The following MAGI2 variants were observed in gnomAD, a reference collection of about 807,000 sequenced individuals.
MAGI2 encodes the protein membrane associated guanylate kinase, WW and PDZ domain containing 2.
MAGI2 carries 35 observed loss-of-function variants against 133.3 expected under a neutral mutation model. The observed-to-expected ratio is 0.26, with a 90% CI of 0.20 to 0.35. MAGI2 has a LOEUF of 0.35. MAGI2 is among the 10% of genes least tolerant of loss of function. The pLI is 1.00. For synonymous variants in MAGI2, 729 were observed against 710.6 expected (o/e 1.03, Z -0.41); for missense variants, 1,636 against 1,863.4 (o/e 0.88, Z 2.25).
At chr7:78,988,823 T>C (rs1422449144) in intron 2 of MAGI2, among the ~76,000 whole-genome samples, 1 of 151,984 alleles carries the variant, frequency 6.6e-6, no homozygotes, top group Admixed American at 6.6e-5. Flanking sequence ...AGCAAGGTAT[T>C]TCATTAAAAC....
intron 2 of MAGI2, among the ~76,000 whole-genome samples, chr7:78,705,231 T>C (rs1369806081): frequency 3.3e-5 from 5 of 152,164 alleles, no homozygotes; most frequent in Non-Finnish European, 5.9e-5. Context: ...GTTCTCATGA[T>C]AGTGAGTGAG....
chr7:78,173,517 T>A (rs1826306306), intron 14 of MAGI2, among the ~76,000 whole-genome samples: 1 of 152,210 alleles, frequency 6.6e-6, no homozygotes, highest in Non-Finnish European at 1.5e-5. Flanking sequence ...ATTCAGAATT[T>A]CATTTTGTAA....
intron 1 of MAGI2, among the ~76,000 whole-genome samples, chr7:79,112,344 G>A (rs928520534): frequency 6.6e-6 from 1 of 152,120 alleles, no homozygotes; most frequent in African/African-American, 2.4e-5. Flanking sequence ...ACATCCACCT[G>A]TTAGTCTCCT....
intron 9 of MAGI2, among the ~76,000 whole-genome samples, chr7:78,271,165 T>A (rs1370436817): frequency 6.6e-6 from 1 of 152,016 alleles, no homozygotes; most frequent in South Asian, 2.1e-4. Flanking sequence ...TTATTGAGAG[T>A]TTTTAGCATG....
At chr7:78,488,793 T>C (rs1469538165) in intron 6 of MAGI2, among the ~76,000 whole-genome samples, 1 of 152,036 alleles carries the variant, frequency 6.6e-6, no homozygotes, top group African/African-American at 2.4e-5. Flanking sequence ...CCTTATAACA[T>C]AGGAATGTGG....
intron 1 of MAGI2, among the ~76,000 whole-genome samples, chr7:79,074,738 C>T (rs987967847): frequency 6.6e-6 from 1 of 152,092 alleles, no homozygotes; most frequent in Non-Finnish European, 1.5e-5. Context: ...TACATGTTGT[C>T]GGAAAGTCAA....
At position 79,039,635 on chromosome 7, in the gene MAGI2, A is replaced by T. The variant is rs80003721; in HGVS notation, c.302-32429T>A. 1.7e-3 allele frequency among the ~76,000 whole-genome samples: 260 copies of T among 151,710 alleles called. 1 individual carries two copies. Among genetic ancestry groups the T allele is most frequent in the African/African-American group, 5.9e-3 (245 of 41,456 alleles). ...TTAACAAGGGATTAATAATCAAAAT[A>T]TATAAAGAACTCAAGCAACTCAAAA... On this transcript the variant is annotated intron_variant, in intron 1 of 21. Transcript: ENST00000354212.
At chr7:78,912,148 C>T (rs957257036) in intron 2 of MAGI2, among the ~76,000 whole-genome samples, 4 of 152,100 alleles carry the variant, frequency 2.6e-5, no homozygotes, top group Non-Finnish European at 4.4e-5. Flanking sequence ...TTTCAATAAA[C>T]ATTAAATTGA....
chr7:78,168,277 A>G (rs1438503682), intron 14 of MAGI2, among the ~76,000 whole-genome samples, 169 bp from the exon 15 acceptor site: 1 of 151,242 alleles, frequency 6.6e-6, no homozygotes, highest in Non-Finnish European at 1.5e-5. Flanking sequence ...TCCTTTTTAT[A>G]TACAGTTATA....
At chr7:79,389,816 G>A (rs943191657) in intron 1 of MAGI2, among the ~76,000 whole-genome samples, 4 of 151,934 alleles carry the variant, frequency 2.6e-5, no homozygotes, top group African/African-American at 9.7e-5. Context: ...GGGCTGGCTG[G>A]GACCAGTTTG....
intron 6 of MAGI2, among the ~76,000 whole-genome samples, chr7:78,432,769 A>G (rs985531915): frequency 1.3e-5 from 2 of 152,070 alleles, no homozygotes; most frequent in African/African-American, 4.8e-5. Context: ...TTTAAAAATT[A>G]TACAAAGAAA....
rs73151301 is a variant in MAGI2, at chr7:79,297,957, C to T, written c.301+155063G>A. Among the ~76,000 whole-genome samples the T allele has an allele frequency of 6.1e-3, 932 of 152,308 alleles. 4 individuals are homozygous for T. Among genetic ancestry groups the T allele is most frequent in the Middle Eastern group, 0.034 (10 of 294 alleles). On this transcript the variant is annotated intron_variant, in intron 1 of 21. Transcript: ENST00000354212. ...AATTTAAGGGAAAACAACCATTTCT[C>T]TCTGTTAGAAAAGCTGCTGATACCT...
chr7:79,239,986 T>C (rs1453652348), intron 1 of MAGI2, among the ~76,000 whole-genome samples: 2 of 152,190 alleles, frequency 1.3e-5, no homozygotes, highest in Non-Finnish European at 2.9e-5. Context: ...TCCCTCAGAT[T>C]ATCCAATGAA....
chr7:78,895,613 T>C (rs1797151913), intron 2 of MAGI2, among the ~76,000 whole-genome samples: 2 of 152,132 alleles, frequency 1.3e-5, no homozygotes, highest in Non-Finnish European at 2.9e-5. Flanking sequence ...TGACAGTTTA[T>C]CAGTTCTAGG....
rs796371005 is a variant in MAGI2, at chr7:78,557,080, C to CAAAAAAAAAAA, written c.539-35446_539-35436dup. Among the ~76,000 whole-genome samples the CAAAAAAAAAAA allele has an allele frequency of 9.8e-3, 399 of 40,864 alleles. 25 individuals carry two copies. Among genetic ancestry groups the CAAAAAAAAAAA allele is most frequent in the Non-Finnish European group, 0.013 (287 of 22,884 alleles). The allele number at this position is 40,864 out of a possible 152,430, so 26.8% of individuals were successfully genotyped here. ...TACTCCAGCCTGGGTGGCAGAGTCT[C>CAAAAAAAAAAA]AAAAAAAAAAAAAAAAAAAAGAAAA... On this transcript the variant is annotated intron_variant, in intron 3 of 21. Coordinates refer to ENST00000354212, the MANE Select transcript of MAGI2 (RefSeq NM_012301.4).
At chr7:78,716,954 A>T (rs1378297473) in intron 2 of MAGI2, among the ~76,000 whole-genome samples, 1 of 152,240 alleles carries the variant, frequency 6.6e-6, no homozygotes, top group African/African-American at 2.4e-5. Context: ...AACTCCGGTC[A>T]GAGTGGAAAA....
intron 1 of MAGI2, among the ~76,000 whole-genome samples, chr7:79,336,627 C>A (rs1391801433): frequency 6.6e-6 from 1 of 152,000 alleles, no homozygotes; most frequent in African/African-American, 2.4e-5. Context: ...GATTTTAATG[C>A]TAACAGTGGC....
At chr7:78,057,054 TA>T (rs553375527) in intron 21 of MAGI2, among the ~76,000 whole-genome samples, 111 of 128,780 alleles carry the variant, frequency 8.6e-4, no homozygotes, top group African/African-American at 3.1e-3. Context: ...TGTCTATATA[TA>T]TAAATTATAT....
At chr7:78,761,279 G>T (rs1048792945) in intron 2 of MAGI2, among the ~76,000 whole-genome samples, 1 of 152,150 alleles carries the variant, frequency 6.6e-6, no homozygotes, top group Admixed American at 6.6e-5. Flanking sequence ...AGAGAGAAAT[G>T]ATTCCATTCC....
Sources: allele counts gnomAD v4.1 joint callset (sites outside exome capture counted in the v4.1 genomes callset), GRCh38; gene constraint gnomAD v4.1.1; transcripts MANE v1.5; gene names NCBI Gene and HGNC (gene_info 2026-07-23, HGNC 2026-07-21).